The following DCUN1D3 variants were observed in gnomAD, a reference collection of about 807,000 sequenced individuals.
DCUN1D3 encodes the protein DCN1-like protein 3.
In DCUN1D3, 6 loss-of-function variants were observed where a neutral mutation model predicts 24.8. That is an observed-to-expected ratio of 0.24 (90% CI 0.13 to 0.48). DCUN1D3 has a LOEUF of 0.48. DCUN1D3 is among the 20% of genes least tolerant of loss of function. The pLI, the probability that DCUN1D3 is intolerant of heterozygous loss-of-function variation, is 0.99. For missense variants in DCUN1D3, 258 were observed against 379.4 expected, an observed-to-expected ratio of 0.68 and a Z score of 2.66; for synonymous variants, 120 against 144.9, an observed-to-expected ratio of 0.83 and a Z score of 1.24.
At chr16:20,896,083 A>G (rs1398215353) in intron 1 of DCUN1D3, among the ~76,000 whole-genome samples, 3 of 152,228 alleles carry the variant, frequency 2.0e-5, no homozygotes, top group Non-Finnish European at 4.4e-5. Flanking sequence ...CATTTGCCAA[A>G]CATGCCAAAC....
In DCUN1D3 at chr16:20,859,791, T is replaced by G; in HGVS notation, c.*95A>C. ...GCAGAGAAAGGTGTAAAGTAGAAAA[T>G]ATCCGGATCTTCAGTAATTTCCAAA... On this transcript the variant is annotated 3_prime_UTR_variant, in exon 3 of 3. Transcript: ENST00000324344. 1 of 1,464,720 alleles carries G rather than the reference T, an allele frequency of 6.8e-7. No homozygotes were observed. Among genetic ancestry groups the G allele is most frequent in the East Asian group, 2.3e-5 (1 of 42,574 alleles). The allele number at this position is 1,464,720 out of a possible 1,614,324, so 90.7% of individuals were successfully genotyped here. A position where few individuals can be genotyped will look rare whatever the true frequency, so the allele number is the denominator to read the frequency against.
intron 1 of DCUN1D3, among the ~76,000 whole-genome samples, chr16:20,881,205 C>T (rs946307414): frequency 2.0e-5 from 3 of 151,996 alleles, no homozygotes; most frequent in Non-Finnish European, 4.4e-5. Context: ...AAATATTTAC[C>T]CAAGCCTGGG....
chr16:20,861,928 A>G (rs1023667881), intron 2 of DCUN1D3, among the ~76,000 whole-genome samples, 180 bp downstream of exon 2: 2 of 152,186 alleles, frequency 1.3e-5, no homozygotes, highest in Non-Finnish European at 2.9e-5. Context: ...GGGGCTTCTC[A>G]GCATCATAAC....
chr16:20,859,627 C>A lies in DCUN1D3; in HGVS notation c.*259G>T. The stretch of plus-strand genomic sequence containing the variant: ...GCAGGCTTATTCTATCTGAAGGCTT[C>A]AAAAAAAGATACACAACATGTAACC... On this transcript the variant is annotated 3_prime_UTR_variant, in exon 3 of 3. Transcript: ENST00000324344. The A allele has an allele frequency of 3.5e-6, 1 of 288,988 alleles. No individual in the cohort carries two copies. The highest frequency in any genetic ancestry group is 6.2e-6 in the Non-Finnish European group (1 of 161,678). The allele number at this position is 288,988 out of a possible 1,614,324, so 17.9% of individuals were successfully genotyped here. A position where few individuals can be genotyped will look rare whatever the true frequency, so the allele number is the denominator to read the frequency against.
chr16:20,862,717 A>C, intron 1 of DCUN1D3, 74 bp from the exon 2 acceptor site: 1 of 1,338,770 alleles, frequency 7.5e-7, no homozygotes, highest in Non-Finnish European at 9.9e-7. Context: ...TAGGGTGCAC[A>C]CTGGTTCACC....
chr16:20,863,497 T>C (rs910566839), intron 1 of DCUN1D3, among the ~76,000 whole-genome samples: 1 of 152,128 alleles, frequency 6.6e-6, no homozygotes, highest in African/African-American at 2.4e-5. Context: ...TCCCAACATT[T>C]TGGGAGGCAA....
intron 1 of DCUN1D3, among the ~76,000 whole-genome samples, chr16:20,880,408 T>G (rs1340426841): frequency 6.6e-6 from 1 of 151,930 alleles, no homozygotes; most frequent in Admixed American, 6.6e-5. Context: ...GAGACCAGCT[T>G]GGGCAACATA....
Position 20,875,843 on chromosome 16 carries a change from T to C in DCUN1D3, c.-105-13200A>G, listed in dbSNP as rs1265434158. On this transcript the variant is annotated intron_variant, in intron 1 of 2. Transcript: ENST00000324344. ...AACAATCAACAATGTGAAGAGACAA[T>C]CCACAGAATGGGAAAAAAAATCTGC... 4.0e-5 allele frequency among the ~76,000 whole-genome samples: 6 copies of C among 151,580 alleles called. No individual in the cohort carries two copies. The East Asian group carries it at 1.2e-3, about 29-fold the overall frequency.
intron 1 of DCUN1D3, among the ~76,000 whole-genome samples, chr16:20,889,410 G>A (rs536067148): frequency 6.6e-6 from 1 of 151,920 alleles, no homozygotes; most frequent in Non-Finnish European, 1.5e-5. Context: ...CATGAAATCT[G>A]TATTATAAAG....
intron 2 of DCUN1D3, among the ~76,000 whole-genome samples, chr16:20,861,073 T>C (rs1452059534): frequency 6.6e-6 from 1 of 152,156 alleles, no homozygotes; most frequent in East Asian, 1.9e-4. Context: ...CACAGTCAGT[T>C]CTTATTCACA....
intron 1 of DCUN1D3, among the ~76,000 whole-genome samples, chr16:20,881,720 C>A (rs1033165387): frequency 1.3e-5 from 2 of 152,314 alleles, no homozygotes; most frequent in South Asian, 2.1e-4. Context: ...TATGCAAGCC[C>A]TTAGCCTGTG....
intron 2 of DCUN1D3, 120 bp downstream of exon 2, chr16:20,861,984 AAAAT>A (rs2081735812): frequency 9.6e-7 from 1 of 1,042,350 alleles, no homozygotes; most frequent in African/African-American, 1.6e-5. Context: ...CCTGATCAGA[AAAAT>A]AAAAACTTAC....
intron 1 of DCUN1D3, among the ~76,000 whole-genome samples, chr16:20,878,957 C>T (rs138701903): frequency 2.6e-5 from 4 of 152,312 alleles, no homozygotes; most frequent in East Asian, 1.9e-4. Context: ...ATTCCACCTC[C>T]GCTGGCTGGC....
At chr16:20,867,880 A>C (rs931826113) in intron 1 of DCUN1D3, among the ~76,000 whole-genome samples, 1 of 152,148 alleles carries the variant, frequency 6.6e-6, no homozygotes, top group African/African-American at 2.4e-5. Flanking sequence ...CTACTCAAAT[A>C]CACCACTACC....
chr16:20,859,700 T>C lies in DCUN1D3; in HGVS notation c.*186A>G, dbSNP rs535541266. ...CCCCCCAAAAAGGAAATAACCAAAA[T>C]AACCAAAAAAATGAAGAAAGTGCCT... is the stretch of plus-strand genomic sequence containing the variant. On this transcript the variant is annotated 3_prime_UTR_variant, in exon 3 of 3. Transcript: ENST00000324344. 1 of 762,956 alleles carries C rather than the reference T, an allele frequency of 1.3e-6. No homozygotes were observed. The highest frequency in any genetic ancestry group is 1.8e-5 in the African/African-American group (1 of 56,852). 47.3% of individuals were successfully genotyped at this position (762,956 alleles called of 1,614,324 possible). A position where few individuals can be genotyped will look rare whatever the true frequency, so the allele number is the denominator to read the frequency against.
intron 1 of DCUN1D3, among the ~76,000 whole-genome samples, chr16:20,898,160 TC>T (rs1256787531): frequency 3.9e-5 from 6 of 152,184 alleles, no homozygotes; most frequent in African/African-American, 1.4e-4. Context: ...CACCAGCTGT[TC>T]CCTGAACCTG....
chr16:20,892,376 C>T (rs940536113), intron 1 of DCUN1D3, among the ~76,000 whole-genome samples: 1 of 152,088 alleles, frequency 6.6e-6, no homozygotes, highest in Admixed American at 6.6e-5. Flanking sequence ...TCCAGTGTGC[C>T]CCTAGATGCT....
intron 1 of DCUN1D3, among the ~76,000 whole-genome samples, chr16:20,874,013 T>C (rs1036791017): frequency 6.6e-6 from 1 of 152,220 alleles, no homozygotes; most frequent in African/African-American, 2.4e-5. Context: ...AGAGTCAAGA[T>C]CAAAGCCTGA....
intron 1 of DCUN1D3, among the ~76,000 whole-genome samples, chr16:20,893,495 T>G (rs573705584): frequency 6.6e-6 from 1 of 152,354 alleles, no homozygotes; most frequent in South Asian, 2.1e-4. Context: ...TTTTCTTGAT[T>G]TCTGTTTTCC....
Sources: gnomAD v4.1 joint callset for allele counts (sites outside exome capture counted in the v4.1 genomes callset) on GRCh38, gnomAD v4.1.1 for gene constraint, MANE v1.5 for transcripts, NCBI Gene and HGNC (gene_info 2026-07-23, HGNC 2026-07-21) for gene names.